Variants in STAT3 observed in about 807,000 individuals in gnomAD.
STAT3 encodes the protein DNA-binding protein APRF.
Under a neutral mutation model 114.3 loss-of-function variants are expected in STAT3, and 7 were observed. That is an observed-to-expected ratio of 0.06 (90% CI 0.03 to 0.11). STAT3 has a LOEUF of 0.11. STAT3 is among the 10% of genes least tolerant of loss of function. The probability of loss-of-function intolerance (pLI) is 1.00; values close to 1 mark genes in which losing one functional copy is unlikely to be tolerated. For missense variants in STAT3, 364 were observed against 960.9 expected, an observed-to-expected ratio of 0.38 and a Z score of 8.21; for synonymous variants, 331 against 354.5, an observed-to-expected ratio of 0.93 and a Z score of 0.74.
At chr17:42,376,681 C>T (rs1203450779) in intron 1 of STAT3, among the ~76,000 whole-genome samples, 2 of 151,158 alleles carry the variant, frequency 1.3e-5, no homozygotes, top group African/African-American at 4.9e-5. Flanking sequence ...CCCGACTCTA[C>T]TAAAAATACA....
intron 1 of STAT3, among the ~76,000 whole-genome samples, chr17:42,384,128 A>ATTTT (rs201020826): frequency 4.6e-5 from 4 of 86,310 alleles, no homozygotes; most frequent in East Asian, 3.1e-4. Flanking sequence ...TTATTTATTT[A>ATTTT]TTTATTTTTT....
intron 1 of STAT3, among the ~76,000 whole-genome samples, chr17:42,366,320 C>T (rs1166707907): frequency 6.6e-6 from 1 of 152,112 alleles, no homozygotes; most frequent in Non-Finnish European, 1.5e-5. Context: ...CTCTCTCTTC[C>T]TCCCCCTCCT....
At position 42,374,796 on chromosome 17, in the gene STAT3, A is replaced by C. The variant is rs16967719; in HGVS notation, c.-24+13483T>G. Among the ~76,000 whole-genome samples, 1,025 of 152,276 alleles carry C rather than the reference A, an allele frequency of 6.7e-3. 15 individuals are homozygous for C. Among genetic ancestry groups the C allele is most frequent in the African/African-American group, 0.023 (951 of 41,548 alleles). ...GACTACACATGGATGCAAACTTGGAATCTTCAAACTCCCAGGCTAGTAGCC... is the reference window on the plus strand; with the variant it reads ...GACTACACATGGATGCAAACTTGGACTCTTCAAACTCCCAGGCTAGTAGCC... On this transcript the variant is annotated intron_variant, in intron 1 of 23. Coordinates refer to ENST00000264657, the MANE Select transcript of STAT3 (RefSeq NM_139276.3).
Position 42,314,332 on chromosome 17 carries a change from C to G in STAT3, c.*1413G>C, listed in dbSNP as rs2144595556. 4.3e-6 allele frequency: 1 copy of G among 233,420 alleles called. No homozygotes were observed. The highest frequency in any genetic ancestry group is 6.0e-5 in the East Asian group (1 of 16,576). 14.5% of individuals were successfully genotyped at this position (233,420 alleles called of 1,614,324 possible). A position where few individuals can be genotyped will look rare whatever the true frequency, so the allele number is the denominator to read the frequency against. On this transcript the variant is annotated 3_prime_UTR_variant, in exon 24 of 24. Transcript: ENST00000264657. ...GCTCAACCAGACACGTCGCTGGGGC[C>G]CCATAGTGTGCATCATGTCCAACCT...
chr17:42,382,414 C>T (rs1362458174), intron 1 of STAT3, among the ~76,000 whole-genome samples: 2 of 152,118 alleles, frequency 1.3e-5, no homozygotes, highest in Non-Finnish European at 2.9e-5. Flanking sequence ...AGTGGCAGAT[C>T]CAGGATTCAG....
chr17:42,322,694 C>T (rs1269786295), intron 20 of STAT3, among the ~76,000 whole-genome samples, 200 bp from the exon 21 acceptor site: 1 of 152,136 alleles, frequency 6.6e-6, no homozygotes, highest in Admixed American at 6.5e-5. Context: ...CTAGTTGGGT[C>T]ATAGAAAATA....
rs138420745 is a variant in STAT3 at position 42,347,671 on chromosome 17, G to A, written c.128+718C>T. Among the ~76,000 whole-genome samples, 27 of 152,296 alleles carry A rather than the reference G, an allele frequency of 1.8e-4. No individual in the cohort carries two copies. The East Asian group carries it at 4.8e-3, about 27-fold the overall frequency. ...GGTGGAAGGTGACTGGATCATGGGG[G>A]TGGGTTTCTCATGAATGGTTTAATA... On this transcript the variant is annotated intron_variant, in intron 2 of 23. Transcript: ENST00000264657.
intron 1 of STAT3, among the ~76,000 whole-genome samples, chr17:42,361,585 A>G (rs2083511240): frequency 1.3e-5 from 2 of 152,140 alleles, no homozygotes; most frequent in Non-Finnish European, 2.9e-5. Flanking sequence ...TCGAAATCAG[A>G]GCAGAGATCA....
Position 42,329,602 on chromosome 17 carries a change from G to A in STAT3, c.1185C>T (p.Asn395=), listed in dbSNP as rs2144773497. 2 of 1,614,212 alleles carry A rather than the reference G, an allele frequency of 1.2e-6. No homozygotes were observed. The highest frequency in any genetic ancestry group is 1.7e-6 in the Non-Finnish European group (2 of 1,180,032). The stretch of plus-strand genomic sequence containing the variant: ...GGCTGCCGTTGTTGGATTCTTCCAT[G>A]TTCATCACTTTTGTGTTTGTGCCCA... ...NILGTNTKVM[N]MEESNNGSLS... Residue 395 remains asparagine (N), a synonymous_variant, in exon 13 of 24, where the codon AAC becomes AAT. Transcript: ENST00000264657.
intron 1 of STAT3, among the ~76,000 whole-genome samples, chr17:42,379,176 T>C (rs990448485): frequency 4.6e-5 from 7 of 152,134 alleles, no homozygotes; most frequent in Non-Finnish European, 8.8e-5. Context: ...TCCTCCACAA[T>C]AGGGAAGCCA....
intron 1 of STAT3, among the ~76,000 whole-genome samples, chr17:42,363,672 G>A (rs915803002): frequency 2.7e-5 from 4 of 147,176 alleles, no homozygotes; most frequent in African/African-American, 7.6e-5. Flanking sequence ...GGATGGTCTC[G>A]AACTCCTGGG....
Position 42,346,617 on chromosome 17 carries a change from C to G in STAT3, c.225G>C (p.Ser75=). 1 of 1,614,090 alleles carries G rather than the reference C, an allele frequency of 6.2e-7. No individual in the cohort carries two copies. The highest frequency in any genetic ancestry group is 8.5e-7 in the Non-Finnish European group (1 of 1,180,022). ...DQQYSRFLQE[S]NVLYQHNLRR... ...GTAGATTGTGCTGATAGAGAACATT[C>G]GACTCTTGCAGGAAGCGGCTATACT... Residue 75 remains serine, a synonymous_variant, in exon 3 of 24, where the codon TCG becomes TCC. Coordinates refer to ENST00000264657, the MANE Select transcript of STAT3 (RefSeq NM_139276.3).
At position 42,315,754 on chromosome 17, in the gene STAT3, G is replaced by A. The variant is rs568695064; in HGVS notation, c.2304C>T (p.Ser768=). Residue 768 remains serine, a synonymous_variant, in exon 24 of 24, where the codon TCC becomes TCT. Coordinates refer to ENST00000264657, the MANE Select transcript of STAT3 (RefSeq NM_139276.3). ...TTCCGTTCTCAGCTCCTCACATGGG[G>A]GAGGTAGCGCACTCCGAGGTCAACT... ...DMELTSECAT[S]PM is the part of the protein sequence containing the mutation. The A allele has an allele frequency of 3.7e-6, 6 of 1,614,058 alleles. No homozygotes were observed. The highest frequency in any genetic ancestry group is 1.7e-5 in the Admixed American group (1 of 60,020).
intron 4 of STAT3, among the ~76,000 whole-genome samples, chr17:42,342,249 G>A (rs1209462129): frequency 2.6e-5 from 4 of 152,090 alleles, no homozygotes; most frequent in Non-Finnish European, 5.9e-5. Flanking sequence ...TTGGGAGGCC[G>A]AGGTGGATGG....
At chr17:42,349,051 G>A (rs968652642) in intron 1 of STAT3, among the ~76,000 whole-genome samples, 1 of 151,570 alleles carries the variant, frequency 6.6e-6, no homozygotes, top group Admixed American at 6.6e-5. Context: ...AAAATGTTTC[G>A]TGAGACAAAC....
intron 4 of STAT3, among the ~76,000 whole-genome samples, chr17:42,340,445 T>C (rs1487925627): frequency 6.7e-6 from 1 of 149,802 alleles, no homozygotes; most frequent in Non-Finnish European, 1.5e-5. Context: ...GGCAGGAGGA[T>C]CACTTGAGGC....
chr17:42,338,628 C>A (rs1037559542), intron 6 of STAT3, 103 bp downstream of exon 6: 4 of 1,165,306 alleles, frequency 3.4e-6, no homozygotes, highest in Non-Finnish European at 5.1e-6. Context: ...CCCTTGCGCC[C>A]CGCCCGCCTT....
chr17:42,351,574 AG>A (rs1335937347), intron 1 of STAT3, among the ~76,000 whole-genome samples: 1 of 151,962 alleles, frequency 6.6e-6, no homozygotes, highest in African/African-American at 2.4e-5. Flanking sequence ...TTTGCTACGA[AG>A]TTTTCTAAAT....
chr17:42,348,425 C>T lies in STAT3; in HGVS notation c.92G>A (p.Arg31Gln). ...LYSDSFPMEL[R>Q]QFLAPWIESQ... ...CTCAATCCAAGGGGCCAGAAACTGC[C>T]GCAGCTCCATTGGGAAGCTGTCACT... The change falls in exon 2 of 24, where the codon CGG (arginine) becomes CAG (glutamine). Residue 31 changes from arginine (R) to glutamine (Q), a missense_variant. Transcript: ENST00000264657. 1 of 1,614,068 alleles carries T rather than the reference C, an allele frequency of 6.2e-7. No homozygotes were observed. Among genetic ancestry groups the T allele is most frequent in the Non-Finnish European group, 8.5e-7 (1 of 1,180,024 alleles).
Sources: gnomAD v4.1 joint callset for allele counts (sites outside exome capture counted in the v4.1 genomes callset) on GRCh38, gnomAD v4.1.1 for gene constraint, MANE v1.5 for transcripts, NCBI Gene and HGNC (gene_info 2026-07-23, HGNC 2026-07-21) for gene names.